PCDHA10: variants seen among roughly 807,000 people sequenced by gnomAD.
The protein encoded by PCDHA10 is protocadherin alpha-10.
In PCDHA10, 45 loss-of-function variants were observed where a neutral mutation model predicts 61.2. The observed-to-expected ratio is 0.74, with a 90% CI of 0.58 to 0.94. PCDHA10 has a LOEUF of 0.94. PCDHA10 is among the 40% of genes least tolerant of loss of function. PCDHA10 has a pLI of 0.00. For synonymous variants in PCDHA10, 602 were observed against 548.8 expected, an observed-to-expected ratio of 1.10 and a Z score of -1.35; for missense variants, 1,278 against 1,236.2, an observed-to-expected ratio of 1.03 and a Z score of -0.51.
chr5:140,863,219 G>T, intron 1 of PCDHA10: 1 of 1,108,786 alleles, frequency 9.0e-7, no homozygotes. Flanking sequence ...AGCCAAGCGA[G>T]GAAGGTCCCA....
At chr5:140,878,352 A>T (rs2057558583) in intron 1 of PCDHA10, among the ~76,000 whole-genome samples, 1 of 152,242 alleles carries the variant, frequency 6.6e-6, no homozygotes, top group African/African-American at 2.4e-5. Flanking sequence ...CAATAATATA[A>T]ATGATATGTC....
At chr5:140,964,566 G>A (rs2095840528) in intron 1 of PCDHA10, among the ~76,000 whole-genome samples, 1 of 152,168 alleles carries the variant, frequency 6.6e-6, no homozygotes, top group Non-Finnish European at 1.5e-5. Context: ...GGGCTGGGAG[G>A]AGATAAGGGG....
intron 1 of PCDHA10, among the ~76,000 whole-genome samples, chr5:140,964,075 AT>A (rs1277799626): frequency 9.2e-5 from 14 of 152,324 alleles, no homozygotes; most frequent in African/African-American, 3.1e-4. Flanking sequence ...TAGTGTTAAT[AT>A]TTGTAGAAAG....
intron 1 of PCDHA10, chr5:140,967,813 C>T (rs12153295): frequency 0.14 from 229,585 of 1,614,060 alleles, 17,281 homozygotes; most frequent in Middle Eastern, 0.18. Context: ...CAGGTCACTG[C>T]AAGGTGCTGG....
At chr5:140,895,351 T>C (rs1367078085) in intron 1 of PCDHA10, among the ~76,000 whole-genome samples, 2 of 152,180 alleles carry the variant, frequency 1.3e-5, no homozygotes, top group Admixed American at 1.3e-4. Context: ...TGCTTTCCAG[T>C]GAGTACTTAT....
In PCDHA10 at chr5:140,856,128, G is replaced by C; in HGVS notation, c.80G>C (p.Ser27Thr). The change falls in exon 1 of 4, where the codon AGC becomes ACC. Residue 27 changes from serine (S) to threonine (T), a missense_variant. Ser to Thr is a moderately conservative substitution (Grantham distance 58). Transcript: ENST00000307360. ...LLLLAAWEVG[S>T]GQLHYSVYEE... ...CTCCTCGCAGCCTGGGAGGTGGGGA[G>C]CGGCCAGCTCCACTACTCAGTCTAC... The C allele has an allele frequency of 6.3e-7, 1 of 1,598,140 alleles. No individual in the cohort carries two copies. Among genetic ancestry groups the C allele is most frequent in the Non-Finnish European group, 8.6e-7 (1 of 1,167,806 alleles).
At chr5:140,901,643 G>A (rs1011127972) in intron 1 of PCDHA10, among the ~76,000 whole-genome samples, 7 of 151,908 alleles carry the variant, frequency 4.6e-5, no homozygotes, top group Non-Finnish European at 8.8e-5. Context: ...TGATTCTTCC[G>A]GTTTTGTTCT....
intron 1 of PCDHA10, among the ~76,000 whole-genome samples, chr5:140,931,212 T>A (rs556351535): frequency 3.5e-4 from 54 of 152,168 alleles, no homozygotes; most frequent in Non-Finnish European, 3.5e-4. Context: ...GTATTTCAGG[T>A]ATCAGAGCAC....
intron 1 of PCDHA10, among the ~76,000 whole-genome samples, chr5:140,918,586 G>A (rs2078766446): frequency 6.6e-6 from 1 of 152,188 alleles, no homozygotes; most frequent in South Asian, 2.1e-4. Context: ...TTGGCTATAT[G>A]TTCTATAGAT....
At chr5:140,927,547 G>A (rs2084343936) in intron 1 of PCDHA10, 2 of 1,614,126 alleles carry the variant, frequency 1.2e-6, no homozygotes, top group Non-Finnish European at 8.5e-7. Flanking sequence ...AGACGCACAA[G>A]TCACCATCAT....
chr5:140,968,594 A>G (rs1218717024), intron 1 of PCDHA10: 3 of 1,614,176 alleles, frequency 1.9e-6, no homozygotes, highest in Non-Finnish European at 2.5e-6. Flanking sequence ...AGTCATAGCT[A>G]TGGACTCAGA....
intron 3 of PCDHA10, among the ~76,000 whole-genome samples, chr5:140,996,637 G>A (rs2097735642): frequency 6.6e-6 from 1 of 152,190 alleles, no homozygotes; most frequent in Admixed American, 6.5e-5. Flanking sequence ...TGCAAATTAT[G>A]TAGTTAATCC....
At chr5:140,929,093 A>G in intron 1 of PCDHA10, 1 of 1,614,194 alleles carries the variant, frequency 6.2e-7, no homozygotes, top group Non-Finnish European at 8.5e-7. Flanking sequence ...ATGGTTTCAA[A>G]TCCTTGCATG....
chr5:140,979,408 G>GTT (rs558051720), intron 2 of PCDHA10, among the ~76,000 whole-genome samples: 2 of 147,646 alleles, frequency 1.4e-5, no homozygotes, highest in African/African-American at 2.5e-5. Context: ...TGTCTACCTT[G>GTT]TTTTTTTTTT....
chr5:140,986,154 A>G (rs2097188970), intron 3 of PCDHA10, among the ~76,000 whole-genome samples: 1 of 152,182 alleles, frequency 6.6e-6, no homozygotes, highest in Non-Finnish European at 1.5e-5. Context: ...TCACCAAGTA[A>G]TGTTTTCTGC....
At chr5:140,877,390 G>C in intron 1 of PCDHA10, 1 of 1,613,986 alleles carries the variant, frequency 6.2e-7, no homozygotes, top group Non-Finnish European at 8.5e-7. Flanking sequence ...CCTGGATGAG[G>C]CGGACGCTCC....
At chr5:140,984,975 T>A (rs571343368) in intron 3 of PCDHA10, among the ~76,000 whole-genome samples, 1 of 152,128 alleles carries the variant, frequency 6.6e-6, no homozygotes, top group Admixed American at 6.5e-5. Flanking sequence ...TCTCGCTCTG[T>A]CCCCCAGGCT....
chr5:140,981,670 C>T (rs1389601276), intron 2 of PCDHA10, among the ~76,000 whole-genome samples: 8 of 152,070 alleles, frequency 5.3e-5, no homozygotes, highest in Non-Finnish European at 1.0e-4. Context: ...TCCTTCCTTT[C>T]TTCCTTCCTC....
rs1333362831 is a variant in PCDHA10 at position 140,976,454 on chromosome 5, GGAA to G, written c.2389-2488_2389-2486del. Among the ~76,000 whole-genome samples, 4 of 152,214 alleles carry G rather than the reference GGAA, an allele frequency of 2.6e-5. No individual in the cohort carries two copies. The East Asian group carries it at 7.7e-4, about 29-fold the overall frequency. On this transcript the variant is annotated intron_variant, in intron 1 of 3. Transcript: ENST00000307360. Reference sequence around the variant, plus strand: ...TAATCCCAGCTACTAGGGAGGCTGGGGAAGAAGAATTGCTTGAATCCGGGAGGC... The same window carrying G: ...TAATCCCAGCTACTAGGGAGGCTGGGGAAGAATTGCTTGAATCCGGGAGGC...
Sources: gnomAD v4.1 joint callset for allele counts (sites outside exome capture counted in the v4.1 genomes callset) on GRCh38, gnomAD v4.1.1 for gene constraint, MANE v1.5 for transcripts, NCBI Gene and HGNC (gene_info 2026-07-23, HGNC 2026-07-21) for gene names.